GRIK4: variants seen among roughly 807,000 people sequenced by gnomAD.
GRIK4 encodes the protein glutamate ionotropic receptor kainate type subunit 4, also known as glutamate receptor ionotropic, kainate 4.
A neutral mutation model predicts 104.9 loss-of-function variants in GRIK4; 40 were observed. The observed-to-expected ratio is 0.38, with a 90% CI of 0.30 to 0.50. GRIK4 has a LOEUF of 0.50. Among genes scored for constraint, GRIK4 ranks in the 20% least tolerant of loss-of-function variants. The pLI is 0.93. For missense variants in GRIK4, 1,047 were observed against 1,308.1 expected, an observed-to-expected ratio of 0.80 and a Z score of 3.08; for synonymous variants, 485 against 524.9, an observed-to-expected ratio of 0.92 and a Z score of 1.04.
chr11:120,868,619 T>G (rs1233864006), intron 9 of GRIK4: 34 of 150,862 alleles, frequency 2.3e-4, no homozygotes, highest in African/African-American at 8.3e-4. Flanking sequence ...GGAGTCTTGC[T>G]CGCCCAGGCT....
At chr11:120,883,209 C>T (rs1041168995) in intron 11 of GRIK4, among the ~76,000 whole-genome samples, 6 of 152,180 alleles carry the variant, frequency 3.9e-5, no homozygotes, top group Non-Finnish European at 5.9e-5. Flanking sequence ...AGGGGGCACA[C>T]AGATGTGCTG....
chr11:120,977,912 G>A (rs776464568), intron 19 of GRIK4, among the ~76,000 whole-genome samples: 1 of 152,164 alleles, frequency 6.6e-6, no homozygotes, highest in African/African-American at 2.4e-5. Flanking sequence ...GTCCCCTTTA[G>A]CCATCACTCA....
chr11:120,827,952 C>T (rs2135557135), intron 6 of GRIK4, among the ~76,000 whole-genome samples: 1 of 152,302 alleles, frequency 6.6e-6, no homozygotes, highest in South Asian at 2.1e-4. Context: ...CTTCCACTCC[C>T]TCATGACTCC....
At chr11:120,863,782 C>T (rs1030830896) in intron 9 of GRIK4, among the ~76,000 whole-genome samples, 5 of 152,198 alleles carry the variant, frequency 3.3e-5, no homozygotes, top group African/African-American at 9.7e-5. Flanking sequence ...AGGTGGCCTG[C>T]GGAAGCCAGG....
intron 1 of GRIK4, among the ~76,000 whole-genome samples, chr11:120,584,056 T>G (rs909340821): frequency 8.5e-5 from 13 of 152,362 alleles, no homozygotes; most frequent in African/African-American, 2.6e-4. Flanking sequence ...TTTTGTACAT[T>G]GATTTTGTAT....
chr11:120,756,032 C>G (rs1951645178), intron 3 of GRIK4, among the ~76,000 whole-genome samples: 2 of 152,186 alleles, frequency 1.3e-5, no homozygotes, highest in South Asian at 2.1e-4. Context: ...GTGTTGGACT[C>G]CAGACCTGAC....
In GRIK4 at chr11:120,752,358, G is replaced by A. The variant is rs1298884451; in HGVS notation, c.83-50335G>A. On this transcript the variant is annotated intron_variant, in intron 3 of 20. Coordinates refer to ENST00000527524, the MANE Select transcript of GRIK4 (RefSeq NM_014619.5). ...TCTGTAACCTTGCTAGGGAAGCCACGTCAGCAGAGCCCCCCCATGATCTGA... is the reference window on the plus strand; with the variant it reads ...TCTGTAACCTTGCTAGGGAAGCCACATCAGCAGAGCCCCCCCATGATCTGA... Among the ~76,000 whole-genome samples, 4 of 152,320 alleles carry A rather than the reference G, an allele frequency of 2.6e-5. No individual in the cohort carries two copies. The East Asian group carries it at 5.8e-4, about 22-fold the overall frequency.
chr11:120,694,384 A>T lies in GRIK4; in HGVS notation c.82+33984A>T, dbSNP rs12279253. Among the ~76,000 whole-genome samples, 252 of 152,302 alleles carry T rather than the reference A, an allele frequency of 1.7e-3. 2 individuals carry two copies. Among genetic ancestry groups the T allele is most frequent in the African/African-American group, 5.8e-3 (242 of 41,558 alleles). Reference sequence around the variant, plus strand: ...CTGTAGAATGAGATGATCAGAACAGATCAGTGGTCTCCAAACTTAGTTTTT... The same window carrying T: ...CTGTAGAATGAGATGATCAGAACAGTTCAGTGGTCTCCAAACTTAGTTTTT... On this transcript the variant is annotated intron_variant, in intron 3 of 20. Transcript: ENST00000527524.
intron 1 of GRIK4, among the ~76,000 whole-genome samples, chr11:120,593,254 A>T (rs1315859690): frequency 6.6e-6 from 1 of 150,936 alleles, no homozygotes; most frequent in Non-Finnish European, 1.5e-5. Context: ...TTTTGTAGCC[A>T]AACAACTCAG....
In GRIK4 at chr11:120,824,237, G is replaced by GA. The variant is rs1021464899; in HGVS notation, c.511+4324dup. ...ATATTACATTATTTTTCTTTAATGG[G>GA]AAAAAAAGAACATTTGCAAGTGCCT... On this transcript the variant is annotated intron_variant, in intron 6 of 20. Coordinates refer to ENST00000527524, the MANE Select transcript of GRIK4 (RefSeq NM_014619.5). Among the ~76,000 whole-genome samples the GA allele has an allele frequency of 9.3e-4, 141 of 152,198 alleles. 1 individual carries two copies. Among genetic ancestry groups the GA allele is most frequent in the Non-Finnish European group, 1.3e-3 (90 of 67,998 alleles).
chr11:120,929,853 G>A (rs964451331), intron 13 of GRIK4, among the ~76,000 whole-genome samples: 1 of 152,190 alleles, frequency 6.6e-6, no homozygotes, highest in African/African-American at 2.4e-5. Flanking sequence ...TCCTTAGGTT[G>A]GAGGATGTCT....
intron 3 of GRIK4, among the ~76,000 whole-genome samples, chr11:120,715,377 G>A (rs1019382647): frequency 6.6e-6 from 1 of 152,168 alleles, no homozygotes; most frequent in East Asian, 1.9e-4. Context: ...GTCGGAAAGC[G>A]GTGGGTCGTG....
intron 1 of GRIK4, among the ~76,000 whole-genome samples, chr11:120,623,807 T>C (rs7127199): frequency 0.66 from 99,686 of 152,106 alleles, 33,207 homozygotes; most frequent in Non-Finnish European, 0.71. Flanking sequence ...TCCTCCATGG[T>C]GGCAGGATGG....
chr11:120,687,013 T>G (rs1038231748), intron 3 of GRIK4, among the ~76,000 whole-genome samples: 3 of 152,252 alleles, frequency 2.0e-5, no homozygotes, highest in African/African-American at 7.2e-5. Flanking sequence ...TGACATAAAA[T>G]ACTTCTGGTG....
intron 1 of GRIK4, among the ~76,000 whole-genome samples, chr11:120,582,255 T>C (rs201666323): frequency 6.6e-6 from 1 of 150,984 alleles, no homozygotes; most frequent in Non-Finnish European, 1.5e-5. Flanking sequence ...TTTTTTTTTT[T>C]AAATAGTATG....
chr11:120,637,305 G>A (rs1353822948), intron 1 of GRIK4, among the ~76,000 whole-genome samples: 2 of 152,152 alleles, frequency 1.3e-5, no homozygotes, highest in Non-Finnish European at 2.9e-5. Flanking sequence ...GCAGGAACAT[G>A]AGCCTGTTGA....
In GRIK4 at chr11:120,960,891, T is replaced by A; in HGVS notation, c.1875-18T>A. On this transcript the variant is annotated intron_variant, in intron 16 of 20. Coordinates refer to ENST00000527524, the MANE Select transcript of GRIK4 (RefSeq NM_014619.5). Reference sequence around the variant, plus strand: ...GAGTGCCCGGGCAATGATGACTTCCTCGTCTTTTCCTACATAGGTGGGCAT... The same window carrying A: ...GAGTGCCCGGGCAATGATGACTTCCACGTCTTTTCCTACATAGGTGGGCAT... 1.9e-6 allele frequency: 3 copies of A among 1,608,124 alleles called. No individual in the cohort carries two copies. The highest frequency in any genetic ancestry group is 2.6e-6 in the Non-Finnish European group (3 of 1,176,330).
intron 1 of GRIK4, among the ~76,000 whole-genome samples, chr11:120,596,923 C>T (rs1205653793): frequency 6.6e-6 from 1 of 152,086 alleles, no homozygotes. Flanking sequence ...CAGGGTTTTA[C>T]CATGTTGGCC....
chr11:120,863,716 C>A (rs1479335887), intron 9 of GRIK4, among the ~76,000 whole-genome samples: 2 of 152,230 alleles, frequency 1.3e-5, no homozygotes, highest in Admixed American at 1.3e-4. Context: ...AAAGTCATAT[C>A]TAGACATCTA....
Sources: gnomAD v4.1 joint callset for allele counts (sites outside exome capture counted in the v4.1 genomes callset) on GRCh38, gnomAD v4.1.1 for gene constraint, MANE v1.5 for transcripts, NCBI Gene and HGNC (gene_info 2026-07-23, HGNC 2026-07-21) for gene names.